NUP160: variants seen among roughly 807,000 people sequenced by gnomAD.
NUP160 encodes nuclear pore complex protein Nup160.
Under a neutral mutation model 196.9 loss-of-function variants are expected in NUP160, and 94 were observed. The ratio of observed to expected loss-of-function variants is 0.48; its 90% CI spans 0.40 to 0.57. NUP160 has a LOEUF of 0.57. Ranked by LOEUF, NUP160 falls within the 20% of genes least tolerant of loss-of-function variation. The pLI is 0.00. For synonymous variants in NUP160, 605 were observed against 619.7 expected (o/e 0.98, Z 0.35); for missense variants, 1,638 against 1,748.3 (o/e 0.94, Z 1.13).
At chr11:47,802,690 T>C (rs1374358011) in intron 22 of NUP160, among the ~76,000 whole-genome samples, 2 of 151,984 alleles carry the variant, frequency 1.3e-5, no homozygotes, top group East Asian at 3.9e-4. Context: ...ATAAGTAAAT[T>C]TGGGCTGTGT....
chr11:47,779,508 A>G, intron 35 of NUP160: 1 of 512,386 alleles, frequency 2.0e-6, no homozygotes, highest in South Asian at 1.5e-5. Context: ...TGATATAACT[A>G]GTTATTAGCT....
Position 47,819,364 on chromosome 11 carries a change from A to G in NUP160, c.1362+10T>C, listed in dbSNP as rs1238315028. The G allele has an allele frequency of 1.3e-6, 2 of 1,567,480 alleles. No homozygotes were observed. Among genetic ancestry groups the G allele is most frequent in the Non-Finnish European group, 1.8e-6 (2 of 1,138,642 alleles). On this transcript the variant is annotated intron_variant, in intron 10 of 35. Coordinates refer to ENST00000378460, the Ensembl canonical transcript of NUP160. The stretch of plus-strand genomic sequence containing the variant: ...TCATTCCCTTATATAACATTTGAGC[A>G]TCTACTTACTCTGGGGTCTTGATCA...
At chr11:47,814,198 C>G (rs1194409500) in intron 13 of NUP160, among the ~76,000 whole-genome samples, 1 of 149,102 alleles carries the variant, frequency 6.7e-6, no homozygotes, top group African/African-American at 2.5e-5. Flanking sequence ...CTTCAAATAA[C>G]ATCATTCTCA....
chr11:47,779,116 G>A (rs764848797), exon 36 of NUP160: 4 of 1,612,910 alleles, frequency 2.5e-6, no homozygotes, highest in African/African-American at 1.3e-5. Flanking sequence ...CACAAGGTCC[G>A]ACGATATAAT....
At chr11:47,805,654 T>C (rs1269275134) in intron 20 of NUP160, among the ~76,000 whole-genome samples, 2 of 151,146 alleles carry the variant, frequency 1.3e-5, no homozygotes, top group African/African-American at 2.4e-5. Flanking sequence ...CACCGTGTTG[T>C]CCAGGATGGT....
At chr11:47,803,658 G>C in intron 21 of NUP160, 122 bp from the exon 22 acceptor site, 1 of 644,044 alleles carries the variant, frequency 1.6e-6, no homozygotes, top group Non-Finnish European at 2.8e-6. Flanking sequence ...TTTATTTCCT[G>C]ACATAATTCT....
intron 7 of NUP160, among the ~76,000 whole-genome samples, chr11:47,825,775 C>T (rs770112801): frequency 8.6e-5 from 13 of 151,740 alleles, no homozygotes; most frequent in South Asian, 6.2e-4. Flanking sequence ...GTAGAGACAG[C>T]GTTTTACCAT....
At chr11:47,830,070 CTT>C (rs779463235) in intron 7 of NUP160, among the ~76,000 whole-genome samples, 64 of 152,238 alleles carry the variant, frequency 4.2e-4, no homozygotes, top group African/African-American at 1.5e-3. Flanking sequence ...TGAACAGACA[CTT>C]TTCAAAAAAG....
intron 18 of NUP160, 92 bp downstream of exon 18, chr11:47,808,304 A>G: frequency 1.6e-6 from 2 of 1,279,738 alleles, no homozygotes; most frequent in Non-Finnish European, 2.2e-6. Flanking sequence ...AAAAACAAAA[A>G]CAAAACACTA....
exon 34 of NUP160, chr11:47,783,109 A>C: frequency 1.2e-6 from 2 of 1,614,048 alleles, no homozygotes; most frequent in Non-Finnish European, 1.7e-6. Context: ...TTCCCAATAC[A>C]GCATCCACAT....
chr11:47,840,179 G>T, intron 3 of NUP160, 114 bp from the exon 4 acceptor site: 1 of 880,662 alleles, frequency 1.1e-6, no homozygotes, highest in Non-Finnish European at 1.8e-6. Flanking sequence ...GTTTAAGAAA[G>T]CTATTCTTCT....
chr11:47,838,434 G>T (rs1178256334), intron 4 of NUP160, among the ~76,000 whole-genome samples: 1 of 152,160 alleles, frequency 6.6e-6, no homozygotes, highest in Non-Finnish European at 1.5e-5. Flanking sequence ...TTGGCCAGGT[G>T]CCGTGGCTCA....
intron 11 of NUP160, among the ~76,000 whole-genome samples, chr11:47,817,845 G>A (rs1851769386): frequency 6.6e-6 from 1 of 152,008 alleles, no homozygotes; most frequent in South Asian, 2.1e-4. Context: ...ACTGATTACT[G>A]GGAAAGTGGT....
intron 12 of NUP160, 38 bp downstream of exon 12, chr11:47,815,908 T>C (rs2097684145): frequency 1.3e-6 from 2 of 1,488,282 alleles, no homozygotes; most frequent in South Asian, 1.1e-5. Context: ...TATATCAAGA[T>C]GGAAGGAATT....
At chr11:47,846,825 T>C (rs1458428648) in intron 2 of NUP160, among the ~76,000 whole-genome samples, 2 of 152,178 alleles carry the variant, frequency 1.3e-5, no homozygotes, top group African/African-American at 4.8e-5. Flanking sequence ...TATATTCCTA[T>C]ATACATGAGG....
chr11:47,847,952 T>C lies in NUP160; in HGVS notation c.210A>G (p.Ala70=), dbSNP rs141160451. 91 of 1,613,720 alleles carry C rather than the reference T, an allele frequency of 5.6e-5. 1 individual carries two copies. The East Asian group carries it at 1.4e-3, about 25-fold the overall frequency. The stretch of plus-strand genomic sequence containing the variant: ...ATTTTACGGCGCCAGCCACGGCATT[T>C]GCAGTCCCTGCAAAATGAACGTGGT... The change falls in exon 2 of 36, where the codon GCA becomes GCG. Residue 70 remains alanine (A), a synonymous_variant. Transcript: ENST00000378460.
chr11:47,788,911 C>T lies in NUP160; in HGVS notation c.3512-300G>A, dbSNP rs933206464. On this transcript the variant is annotated intron_variant, in intron 29 of 35. Transcript: ENST00000378460. Reference sequence around the variant, plus strand: ...TTTTTTTAAGGAAACAAATCTCAATCTGTCACCCAGGCTGGAGTGCAGTGG... The same window carrying T: ...TTTTTTTAAGGAAACAAATCTCAATTTGTCACCCAGGCTGGAGTGCAGTGG... 5.3e-5 allele frequency among the ~76,000 whole-genome samples: 8 copies of T among 150,556 alleles called. No homozygotes were observed. In the East Asian group the frequency reaches 1.2e-3, roughly 22 times the overall value.
intron 6 of NUP160, 125 bp from the exon 7 acceptor site, chr11:47,835,934 T>C (rs1852164625): frequency 1.3e-6 from 1 of 784,660 alleles, no homozygotes; most frequent in Non-Finnish European, 1.9e-6. Context: ...TAAAAGACCT[T>C]ACAGGTTTTT....
intron 29 of NUP160, among the ~76,000 whole-genome samples, chr11:47,789,321 A>G (rs1334261017): frequency 1.3e-5 from 2 of 152,174 alleles, no homozygotes; most frequent in Non-Finnish European, 2.9e-5. Flanking sequence ...TTTAACTATT[A>G]TAATTGTGAA....
Sources: allele counts gnomAD v4.1 joint callset (sites outside exome capture counted in the v4.1 genomes callset), GRCh38; gene constraint gnomAD v4.1.1; transcripts MANE v1.5; gene names NCBI Gene and HGNC (gene_info 2026-07-23, HGNC 2026-07-21).